CYFIP2: variants seen among roughly 807,000 people sequenced by gnomAD.
The protein encoded by CYFIP2 is cytoplasmic FMR1 interacting protein 2.
Under a neutral mutation model 158.7 loss-of-function variants are expected in CYFIP2, and 29 were observed. The ratio of observed to expected loss-of-function variants is 0.18; its 90% CI spans 0.14 to 0.25. CYFIP2 has a LOEUF of 0.25. Among genes scored for constraint, CYFIP2 ranks in the 10% least tolerant of loss-of-function variants. The pLI, the probability that CYFIP2 is intolerant of heterozygous loss-of-function variation, is 1.00. For missense variants in CYFIP2, 852 were observed against 1,639.5 expected, an observed-to-expected ratio of 0.52 and a Z score of 8.29; for synonymous variants, 585 against 617.6, an observed-to-expected ratio of 0.95 and a Z score of 0.78.
rs1248356019 is a variant in CYFIP2, at chr5:157,393,980, G to A, written c.*980G>A. On this transcript the variant is annotated 3_prime_UTR_variant, in exon 31 of 31. Coordinates refer to ENST00000620254, the MANE Select transcript of CYFIP2 (RefSeq NM_001037333.3). ...AAACGTCTTGGAAACACAGAGGTGA[G>A]GAGGAGGAATAGTAATTGTCAATGA... The A allele has an allele frequency of 6.6e-6, 1 of 152,164 alleles. No homozygotes were observed. Among genetic ancestry groups the A allele is most frequent in the Non-Finnish European group, 1.5e-5 (1 of 68,024 alleles). The allele number at this position is 152,164 out of a possible 1,614,324, so 9.4% of individuals were successfully genotyped here. A position where few individuals can be genotyped will look rare whatever the true frequency, so the allele number is the denominator to read the frequency against.
intron 3 of CYFIP2, among the ~76,000 whole-genome samples, chr5:157,292,751 G>A (rs1757930266): frequency 6.6e-6 from 1 of 152,032 alleles, no homozygotes; most frequent in Non-Finnish European, 1.5e-5. Flanking sequence ...CAGTTCTCTT[G>A]GGTATACACA....
At chr5:157,298,819 G>A (rs954251134) in intron 5 of CYFIP2, among the ~76,000 whole-genome samples, 11 of 152,100 alleles carry the variant, frequency 7.2e-5, no homozygotes, top group Non-Finnish European at 1.0e-4. Context: ...ATCATATAAC[G>A]TGGTCTTTTG....
chr5:157,371,916 T>C (rs910013704), intron 26 of CYFIP2, among the ~76,000 whole-genome samples: 1 of 82,248 alleles, frequency 1.2e-5, no homozygotes, highest in Non-Finnish European at 2.8e-5. Context: ...ATTTCTCTTG[T>C]AGTTATCATA....
In CYFIP2 at chr5:157,382,638, A is replaced by G. The variant is rs753510856; in HGVS notation, c.3088A>G (p.Ile1030Val). The change falls in exon 27 of 31, where the codon ATC becomes GTC. Residue 1030 changes from isoleucine (I) to valine (V), a missense_variant. Ile to Val is a conservative substitution (Grantham distance 29). This residue lies in a region of CYFIP2 where 223 missense variants were observed against 381.6 expected (regional missense o/e 0.58). Coordinates refer to ENST00000620254, the MANE Select transcript of CYFIP2 (RefSeq NM_001037333.3). The stretch of plus-strand genomic sequence containing the variant: ...GCTCCATGCCGCACCCTTCCAAAAC[A>G]TCTTGCCTAGAGTCTACATCAAAGG... ...DLLHAAPFQNILPRVYIKEGE... is the reference protein window; with the variant it reads ...DLLHAAPFQNVLPRVYIKEGE... 2 of 1,614,020 alleles carry G rather than the reference A, an allele frequency of 1.2e-6. No individual in the cohort carries two copies.
intron 29 of CYFIP2, 44 bp from the exon 30 acceptor site, chr5:157,390,477 T>TC: frequency 1.7e-6 from 1 of 584,324 alleles, no homozygotes; most frequent in Non-Finnish European, 3.0e-6. Flanking sequence ...CCTGCCCTCC[T>TC]CCCCCGACCT....
intron 17 of CYFIP2, 24 bp downstream of exon 17, chr5:157,325,662 A>T (rs1214726908): frequency 6.3e-7 from 1 of 1,576,200 alleles, no homozygotes; most frequent in African/African-American, 1.4e-5. Context: ...TTGGGCCAGC[A>T]AGTGGCTCCT....
At chr5:157,391,372 C>CA (rs1767269477) in intron 30 of CYFIP2, among the ~76,000 whole-genome samples, 1 of 152,300 alleles carries the variant, frequency 6.6e-6, no homozygotes, top group African/African-American at 2.4e-5. Flanking sequence ...AAGTATTGTA[C>CA]AATCATTCCC....
intron 5 of CYFIP2, among the ~76,000 whole-genome samples, chr5:157,300,466 T>C (rs439501): frequency 0.83 from 124,139 of 150,440 alleles, 51,373 homozygotes; most frequent in East Asian, 0.99. Context: ...ACCTGGGAAG[T>C]GGAGGTTGCA....
At chr5:157,381,295 G>A (rs555195706) in intron 26 of CYFIP2, among the ~76,000 whole-genome samples, 1 of 150,964 alleles carries the variant, frequency 6.6e-6, no homozygotes, top group African/African-American at 2.4e-5. Context: ...ATGTATCACT[G>A]AACAATACAT....
At chr5:157,296,961 T>G (rs1427863485) in intron 5 of CYFIP2, among the ~76,000 whole-genome samples, 187 bp downstream of exon 5, 1 of 152,216 alleles carries the variant, frequency 6.6e-6, no homozygotes, top group Non-Finnish European at 1.5e-5. Context: ...TTCATCCTAG[T>G]GAGTATGTGA....
At chr5:157,366,578 T>C (rs1412673105) in intron 26 of CYFIP2, among the ~76,000 whole-genome samples, 1 of 152,230 alleles carries the variant, frequency 6.6e-6, no homozygotes, top group Non-Finnish European at 1.5e-5. Flanking sequence ...TCCAGATTGT[T>C]CTGGCACCAC....
At chr5:157,389,160 A>G (rs1389660453) in intron 28 of CYFIP2, 29 bp from the exon 29 acceptor site, 7 of 1,573,822 alleles carry the variant, frequency 4.4e-6, no homozygotes, top group South Asian at 1.2e-5. Flanking sequence ...AGATGTGGAT[A>G]GAAGGTGTAT....
At chr5:157,296,214 G>A (rs1758245124) in intron 4 of CYFIP2, among the ~76,000 whole-genome samples, 1 of 152,162 alleles carries the variant, frequency 6.6e-6, no homozygotes. Context: ...GGTGAAGCAG[G>A]GGCTACCCAA....
chr5:157,304,545 T>G, intron 8 of CYFIP2, 179 bp downstream of exon 8: 1 of 615,758 alleles, frequency 1.6e-6, no homozygotes, highest in South Asian at 2.6e-5. Context: ...GTAGTCACCT[T>G]TCCAGATGTC....
rs376050100 is a variant in CYFIP2, at chr5:157,382,008, C to T, written c.3040-582C>T. On this transcript the variant is annotated intron_variant, in intron 26 of 30. Transcript: ENST00000620254. Reference sequence around the variant, plus strand: ...TCTTGCCCTAACCAAGCTTCCCCTCCAACCACTGTATGTTTGCTTTTAAGT... The same window carrying T: ...TCTTGCCCTAACCAAGCTTCCCCTCTAACCACTGTATGTTTGCTTTTAAGT... 7.2e-5 allele frequency among the ~76,000 whole-genome samples: 11 copies of T among 152,344 alleles called. 1 individual carries two copies. The highest frequency in any genetic ancestry group is 6.5e-4 in the Admixed American group (10 of 15,302).
At chr5:157,360,855 G>T (rs1181137926) in intron 25 of CYFIP2, among the ~76,000 whole-genome samples, 3 of 152,198 alleles carry the variant, frequency 2.0e-5, no homozygotes, top group African/African-American at 7.2e-5. Context: ...AGGGCCTGGA[G>T]AAGAGGGAAA....
chr5:157,309,429 C>A (rs908900541), intron 9 of CYFIP2, among the ~76,000 whole-genome samples: 6 of 152,190 alleles, frequency 3.9e-5, no homozygotes, highest in African/African-American at 1.2e-4. Flanking sequence ...TGGAAAGGAC[C>A]CTGCACTGGG....
At position 157,391,832 on chromosome 5, in the gene CYFIP2, A is replaced by ATT. The variant is rs139659989; in HGVS notation, c.3595-1001_3595-1000insTT. On this transcript the variant is annotated intron_variant, in intron 30 of 30. Transcript: ENST00000620254. ...GGATCGTATGGTAATTCTATGTTTA[A>ATT]CTTTTTAGAAACTGCCATTCTGTTT... Among the ~76,000 whole-genome samples, 11 of 151,910 alleles carry ATT rather than the reference A, an allele frequency of 7.2e-5. 1 individual carries two copies. The highest frequency in any genetic ancestry group is 6.6e-4 in the Admixed American group (10 of 15,264).
At chr5:157,324,631 A>G (rs1378694694) in intron 16 of CYFIP2, 1 of 152,336 alleles carries the variant, frequency 6.6e-6, no homozygotes, top group Non-Finnish European at 1.5e-5. Flanking sequence ...AGGGCCTTCA[A>G]GGTCTCTAAA....
Sources: gnomAD v4.1 joint callset for allele counts (sites outside exome capture counted in the v4.1 genomes callset) on GRCh38, gnomAD v4.1.1 for gene constraint, gnomAD v4.1.1 regional missense constraint, MANE v1.5 for transcripts, NCBI Gene and HGNC (gene_info 2026-07-23, HGNC 2026-07-21) for gene names.